The following HERC2 variants were observed in gnomAD, a reference collection of about 807,000 sequenced individuals.
HERC2 encodes the protein HECT and RLD domain containing E3 ubiquitin protein ligase 2.
In HERC2, 102 loss-of-function variants were observed where a neutral mutation model predicts 537.7. The ratio of observed to expected loss-of-function variants is 0.19; its 90% CI spans 0.16 to 0.22. HERC2 has a LOEUF of 0.22. Ranked by LOEUF, HERC2 falls within the 10% of genes least tolerant of loss-of-function variation. HERC2 has a pLI of 1.00. For missense variants in HERC2, 4,236 were observed against 6,198.2 expected (o/e 0.68, Z 10.63); for synonymous variants, 2,224 against 2,466.2 (o/e 0.90, Z 2.91).
At chr15:28,210,585 G>C (rs1277497987) in intron 44 of HERC2, among the ~76,000 whole-genome samples, 1 of 152,092 alleles carries the variant, frequency 6.6e-6, no homozygotes. Context: ...TACACCAACT[G>C]AAATTCCCAG....
intron 35 of HERC2, among the ~76,000 whole-genome samples, chr15:28,227,821 A>AGTACTGATATATACCAAAT (rs1901376130): frequency 6.6e-6 from 1 of 152,242 alleles, no homozygotes; most frequent in Non-Finnish European, 1.5e-5. Context: ...ATAAAAATAA[A>AGTACTGATATATACCAAAT]GTACTGATAT....
chr15:28,302,000 G>A (rs1193330713), intron 2 of HERC2, among the ~76,000 whole-genome samples: 9 of 149,080 alleles, frequency 6.0e-5, no homozygotes, highest in Non-Finnish European at 1.0e-4. Context: ...GGGTTTCACC[G>A]TGTTGGCCAG....
In HERC2 at chr15:28,141,642, A is replaced by G; in HGVS notation, c.11817-12T>C. On this transcript the variant is annotated splice_polypyrimidine_tract_variant and intron_variant, in intron 77 of 92. Coordinates refer to ENST00000261609, the MANE Select transcript of HERC2 (RefSeq NM_004667.6). ...AGTCATCTGGTCGCCTACAATACAC[A>G]TCAAGTGAGCATTTGCCATGGGCAA... The G allele has an allele frequency of 1.2e-6, 2 of 1,614,058 alleles. No individual in the cohort carries two copies. Among genetic ancestry groups the G allele is most frequent in the Non-Finnish European group, 1.7e-6 (2 of 1,179,954 alleles).
chr15:28,185,388 A>G (rs544406052), intron 56 of HERC2, among the ~76,000 whole-genome samples: 1 of 152,292 alleles, frequency 6.6e-6, no homozygotes, highest in African/African-American at 2.4e-5. Flanking sequence ...CGGTCACACT[A>G]GCAATCCAAA....
At chr15:28,202,824 T>TG (rs1898044512) in intron 45 of HERC2, 3 of 123,562 alleles carry the variant, frequency 2.4e-5, no homozygotes, top group Non-Finnish European at 4.1e-5. Context: ...AGAAAATACG[T>TG]GGGGGTAAAA....
chr15:28,177,099 C>A lies in HERC2; in HGVS notation c.9283G>T (p.Ala3095Ser), dbSNP rs142753406. Reference sequence around the variant, plus strand: ...TCCCGGATACGCTTGGTTTTCAGGGCCTCGATCAGCCTTGGTTTGTCACAG... The same window carrying A: ...TCCCGGATACGCTTGGTTTTCAGGGACTCGATCAGCCTTGGTTTGTCACAG... The part of the protein sequence containing the change: ...MNCDKPRLIE[A>S]LKTKRIRDIA... The change falls in exon 61 of 93, where the codon GCC becomes TCC. Residue 3095 changes from alanine to serine, a missense_variant. Coordinates refer to ENST00000261609, the MANE Select transcript of HERC2 (RefSeq NM_004667.6). The surrounding 1 kb of genome is among the most constrained non-coding windows in gnomAD (Gnocchi z 5.0). The A allele has an allele frequency of 1.1e-4, 180 of 1,613,308 alleles. 2 individuals are homozygous for A. In the African/African-American group the frequency reaches 1.9e-3, roughly 17 times the overall value.
At chr15:28,130,081 C>CT (rs1246091229) in intron 83 of HERC2, 82 bp downstream of exon 83, 1 of 1,557,270 alleles carries the variant, frequency 6.4e-7, no homozygotes, top group African/African-American at 1.3e-5. Flanking sequence ...CCTGTGCCCC[C>CT]TTTTAAGGCT....
chr15:28,223,653 A>G (rs941600105), intron 35 of HERC2, among the ~76,000 whole-genome samples: 2 of 152,180 alleles, frequency 1.3e-5, no homozygotes, highest in African/African-American at 4.8e-5. Context: ...TGCAAGCAAA[A>G]CTGGGGGAAT....
At chr15:28,308,585 T>C (rs1392500385) in intron 2 of HERC2, among the ~76,000 whole-genome samples, 1 of 152,354 alleles carries the variant, frequency 6.6e-6, no homozygotes, top group Non-Finnish European at 1.5e-5. Context: ...TCCAGTACTA[T>C]GTTGAATAAC....
rs2525976 is a variant in HERC2, at chr15:28,238,138, C to T, written c.3828G>A (p.Ala1276=). The change falls in exon 25 of 93, where the codon GCG becomes GCA. Residue 1276 remains alanine, a synonymous_variant. Coordinates refer to ENST00000261609, the MANE Select transcript of HERC2 (RefSeq NM_004667.6). ...CCTCCAAATACTGGCCAACACAAAA[C>T]GCGTGCATGGATTCCCGGGTGTCTT... is the stretch of plus-strand genomic sequence containing the variant. ...QFEDTRESMH[A]FCVGQYLEPD... The T allele has an allele frequency of 1.8e-4, 296 of 1,611,612 alleles. 3 individuals are homozygous for T. In the Middle Eastern group the frequency reaches 4.8e-3, roughly 26 times the overall value.
chr15:28,274,596 C>A (rs1567104115), intron 6 of HERC2, 149 bp from the exon 7 acceptor site: 2 of 788,692 alleles, frequency 2.5e-6, no homozygotes, highest in South Asian at 1.8e-5. Context: ...CCAGTCAATT[C>A]TGTGTTTCAC....
intron 35 of HERC2, among the ~76,000 whole-genome samples, 170 bp downstream of exon 35, chr15:28,228,048 A>C (rs548936667): frequency 1.3e-5 from 2 of 152,210 alleles, no homozygotes; most frequent in African/African-American, 4.8e-5. Flanking sequence ...AGAAAATCGT[A>C]AATGTATTTG....
chr15:28,198,892 A>T, intron 48 of HERC2, 123 bp from the exon 49 acceptor site: 2 of 924,900 alleles, frequency 2.2e-6, no homozygotes, highest in South Asian at 3.5e-5. Context: ...TCACGTCTGT[A>T]ATCCTAGCAC....
At chr15:28,224,198 CAGAT>C (rs1187455585) in intron 35 of HERC2, among the ~76,000 whole-genome samples, 1 of 150,282 alleles carries the variant, frequency 6.7e-6, no homozygotes, top group Admixed American at 6.7e-5. Flanking sequence ...GACAGACAGA[CAGAT>C]AGATAGAAAG....
At chr15:28,157,782 G>C (rs992240356) in intron 69 of HERC2, among the ~76,000 whole-genome samples, 1 of 152,128 alleles carries the variant, frequency 6.6e-6, no homozygotes, top group Non-Finnish European at 1.5e-5. Context: ...CCTTCTGCTA[G>C]CTTCTGAATG....
At position 28,113,995 on chromosome 15, in the gene HERC2, G is replaced by C. The variant is rs746129827; in HGVS notation, c.13914-317C>G. 6.6e-6 allele frequency among the ~76,000 whole-genome samples: 1 copy of C among 152,024 alleles called. No homozygotes were observed. Among genetic ancestry groups the C allele is most frequent in the Non-Finnish European group, 1.5e-5 (1 of 68,036 alleles). Reference sequence around the variant, plus strand: ...CAAGAGGGGAAACACATGTGCATCCGCCCCAGGCCCGAGACACTGTGCTGA... The same window carrying C: ...CAAGAGGGGAAACACATGTGCATCCCCCCCAGGCCCGAGACACTGTGCTGA... On this transcript the variant is annotated intron_variant, in intron 90 of 92. Coordinates refer to ENST00000261609, the MANE Select transcript of HERC2 (RefSeq NM_004667.6). The surrounding 1 kb of genome is among the most constrained non-coding windows in gnomAD (Gnocchi z 7.0).
At chr15:28,278,600 T>C (rs1415681423) in intron 5 of HERC2, among the ~76,000 whole-genome samples, 1 of 152,156 alleles carries the variant, frequency 6.6e-6, no homozygotes, top group Non-Finnish European at 1.5e-5. Context: ...ATTTCAACTA[T>C]ATTTAAACAT....
intron 2 of HERC2, among the ~76,000 whole-genome samples, chr15:28,306,176 C>A (rs1342219095): frequency 3.9e-5 from 6 of 152,196 alleles, no homozygotes; most frequent in Non-Finnish European, 8.8e-5. Flanking sequence ...TTCAGTTTTT[C>A]ACCTTTCAGT....
chr15:28,273,871 T>TA (rs1440474697), intron 7 of HERC2, among the ~76,000 whole-genome samples: 1 of 152,232 alleles, frequency 6.6e-6, no homozygotes, highest in South Asian at 2.1e-4. Flanking sequence ...TTTTTTACAC[T>TA]AAAAAGATCA....
Sources: allele counts gnomAD v4.1 joint callset (sites outside exome capture counted in the v4.1 genomes callset), GRCh38; gene constraint gnomAD v4.1.1; non-coding constraint Gnocchi (gnomAD v3.1); transcripts MANE v1.5; gene names NCBI Gene and HGNC (gene_info 2026-07-23, HGNC 2026-07-21).